GSE1: variants seen among roughly 807,000 people sequenced by gnomAD.
GSE1 encodes the protein Gse1 coiled-coil protein, also known as genetic suppressor element 1.
A neutral mutation model predicts 112.6 loss-of-function variants in GSE1; 32 were observed. The observed-to-expected ratio is 0.28, with a 90% CI of 0.21 to 0.38. GSE1 has a LOEUF of 0.38. Among genes scored for constraint, GSE1 ranks in the 10% least tolerant of loss-of-function variants. GSE1 has a pLI of 1.00. For synonymous variants in GSE1, 1,115 were observed against 735.6 expected, an observed-to-expected ratio of 1.52 and a Z score of -8.35; for missense variants, 2,348 against 1,699.2, an observed-to-expected ratio of 1.38 and a Z score of -6.71.
At chr16:85,218,166 T>G (rs1469303899) in intron 1 of GSE1, among the ~76,000 whole-genome samples, 1 of 152,140 alleles carries the variant, frequency 6.6e-6, no homozygotes, top group African/African-American at 2.4e-5. Flanking sequence ...CCTCCCAAAG[T>G]GCTGGGATTA....
chr16:85,482,271 G>C (rs941022110), intron 2 of GSE1, among the ~76,000 whole-genome samples: 1 of 152,222 alleles, frequency 6.6e-6, no homozygotes, highest in Non-Finnish European at 1.5e-5. Context: ...CTGGCACTGG[G>C]GGTGCTCGGA....
chr16:85,187,586 C>T (rs1380406223), intron 1 of GSE1, among the ~76,000 whole-genome samples: 4 of 152,252 alleles, frequency 2.6e-5, no homozygotes, highest in Non-Finnish European at 5.9e-5. Flanking sequence ...ACCCAGGCTT[C>T]AGGAACAGTC....
intron 1 of GSE1, among the ~76,000 whole-genome samples, chr16:85,223,698 G>A (rs983741911): frequency 4.6e-5 from 7 of 151,494 alleles, no homozygotes; most frequent in African/African-American, 7.3e-5. Context: ...CCTGCCTCCC[G>A]GGTTCAAGCA....
At chr16:85,637,802 T>A (rs2050127749) in intron 2 of GSE1, among the ~76,000 whole-genome samples, 1 of 151,710 alleles carries the variant, frequency 6.6e-6, no homozygotes. Flanking sequence ...GTGGGGTCCC[T>A]CTGGTGCCTG....
intron 1 of GSE1, among the ~76,000 whole-genome samples, chr16:85,344,507 G>C (rs1162025408): frequency 9.9e-5 from 15 of 152,202 alleles, no homozygotes; most frequent in Non-Finnish European, 2.2e-4. Context: ...AGGTGTGCGG[G>C]GCACATTTGA....
At chr16:85,337,975 T>C (rs9889124) in intron 1 of GSE1, among the ~76,000 whole-genome samples, 133,588 of 152,310 alleles carry the variant, frequency 0.88, 58,756 homozygotes, top group East Asian at 1. Flanking sequence ...TTCCCACCTC[T>C]GAGCTTTGAG....
At chr16:85,594,232 T>TGGGGGGG (rs1567626522) in intron 1 of GSE1, 2 of 6,600 alleles carry the variant, frequency 3.0e-4, no homozygotes, top group African/African-American at 1.0e-3. Flanking sequence ...CCCTGGGGGG[T>TGGGGGGG]TGGGGGGGGG....
chr16:85,462,603 G>GGACAACTCAGCAGTCTT (rs1347963379), intron 2 of GSE1, among the ~76,000 whole-genome samples: 4 of 150,766 alleles, frequency 2.7e-5, no homozygotes, highest in Non-Finnish European at 5.9e-5. Flanking sequence ...GGAGAGGTCA[G>GGACAACTCAGCAGTCTT]GACAACTCAG....
At chr16:85,526,166 C>A (rs1299583407) in intron 2 of GSE1, among the ~76,000 whole-genome samples, 1 of 152,248 alleles carries the variant, frequency 6.6e-6, no homozygotes, top group Non-Finnish European at 1.5e-5. Context: ...CACCCCCACC[C>A]TGTGCTCAGC....
chr16:85,333,480 C>G (rs1266725283), intron 1 of GSE1, among the ~76,000 whole-genome samples: 1 of 152,246 alleles, frequency 6.6e-6, no homozygotes, highest in African/African-American at 2.4e-5. Context: ...CGGCCTCGGG[C>G]CCTTCCACTT....
chr16:85,533,830 A>C (rs1176167950), intron 2 of GSE1, among the ~76,000 whole-genome samples: 1 of 152,146 alleles, frequency 6.6e-6, no homozygotes, highest in African/African-American at 2.4e-5. Context: ...CAGTCACCGC[A>C]CTTCAGCCTG....
At chr16:85,556,966 G>C (rs2045259771) in intron 1 of GSE1, among the ~76,000 whole-genome samples, 1 of 152,084 alleles carries the variant, frequency 6.6e-6, no homozygotes, top group African/African-American at 2.4e-5. Context: ...CTTCCTGCGC[G>C]GTGACAGCCG....
At chr16:85,558,654 C>T (rs1322544196) in intron 1 of GSE1, among the ~76,000 whole-genome samples, 1 of 152,126 alleles carries the variant, frequency 6.6e-6, no homozygotes, top group Admixed American at 6.5e-5. Flanking sequence ...GGTCGGGGCA[C>T]AAGTAAATCT....
At chr16:85,215,837 G>C (rs767039317) in intron 1 of GSE1, among the ~76,000 whole-genome samples, 1 of 152,016 alleles carries the variant, frequency 6.6e-6, no homozygotes. Context: ...CCCTTCCCCC[G>C]TCCCCACCGT....
At chr16:85,664,957 CCTT>C (rs899530592) in intron 11 of GSE1, 55 bp from the exon 12 acceptor site, 41 of 1,154,192 alleles carry the variant, frequency 3.6e-5, no homozygotes, top group African/African-American at 2.9e-4. Flanking sequence ...ATCCCGCTGT[CCTT>C]CTCTCCAAAA....
rs765785874 is a variant in GSE1 at position 85,450,438 on chromosome 16, CTTTATTT to C, written c.2464+92812_2464+92818del. The stretch of plus-strand genomic sequence containing the variant: ...CAGCCACCTTACTGTTTTTTTATTT[CTTTATTT>C]TTTATTTTTTATTTTTATTTTTGAG... On this transcript the variant is annotated intron_variant, in intron 2 of 2. Transcript: ENST00000637419. 1.1e-3 allele frequency among the ~76,000 whole-genome samples: 169 copies of C among 149,820 alleles called. 2 individuals carry two copies. Among genetic ancestry groups the C allele is most frequent in the Admixed American group, 2.1e-3 (32 of 14,984 alleles).
intron 2 of GSE1, among the ~76,000 whole-genome samples, chr16:85,450,174 T>G (rs541490329): frequency 8.0e-6 from 1 of 125,314 alleles, no homozygotes; most frequent in African/African-American, 2.9e-5. Context: ...CAGGTTGGAG[T>G]GCAATAGTGT....
At chr16:85,304,415 C>T (rs1477830045) in intron 1 of GSE1, among the ~76,000 whole-genome samples, 1 of 152,168 alleles carries the variant, frequency 6.6e-6, no homozygotes, top group Non-Finnish European at 1.5e-5. Context: ...GGGGCTGGGC[C>T]CCAGCTGACT....
At chr16:85,450,095 C>T (rs1011523730) in intron 2 of GSE1, among the ~76,000 whole-genome samples, 3 of 138,118 alleles carry the variant, frequency 2.2e-5, no homozygotes, top group Non-Finnish European at 4.6e-5. Context: ...ACTTTGTGGC[C>T]AGTTCTATTT....
Sources: gnomAD v4.1 joint callset for allele counts (sites outside exome capture counted in the v4.1 genomes callset) on GRCh38, gnomAD v4.1.1 for gene constraint, MANE v1.5 for transcripts, NCBI Gene and HGNC (gene_info 2026-07-23, HGNC 2026-07-21) for gene names.